Variants in PPP1R13B observed in about 807,000 individuals in gnomAD.
PPP1R13B encodes the protein protein phosphatase 1 regulatory subunit 13B.
PPP1R13B carries 44 observed loss-of-function variants against 119.8 expected under a neutral mutation model. The observed-to-expected ratio is 0.37, with a 90% CI of 0.29 to 0.47. The LOEUF is 0.47. PPP1R13B is among the 20% of genes least tolerant of loss of function. PPP1R13B has a pLI of 0.99. For missense variants in PPP1R13B, 1,227 were observed against 1,413.5 expected (o/e 0.87, Z 2.12); for synonymous variants, 542 against 561.5 (o/e 0.97, Z 0.49).
chr14:103,824,039 C>CTTTTTTTTT (rs35194586), intron 1 of PPP1R13B, among the ~76,000 whole-genome samples: 13 of 75,140 alleles, frequency 1.7e-4, no homozygotes, highest in Non-Finnish European at 2.7e-4. Context: ...CTACCTCATC[C>CTTTTTTTTT]TTTTTTTTTT....
At position 103,778,649 on chromosome 14, in the gene PPP1R13B, T is replaced by TCC. The variant is rs1171122768; in HGVS notation, c.354+94_354+95dup. Reference sequence around the variant, plus strand: ...TCAAACTCCTGCCCTCATGTGATCCTCCCACCTTGGCCTCCCAAAGTGCTG... The same window carrying TCC: ...TCAAACTCCTGCCCTCATGTGATCCTCCCCCACCTTGGCCTCCCAAAGTGCTG... On this transcript the variant is annotated intron_variant, in intron 4 of 16. Coordinates refer to ENST00000202556, the MANE Select transcript of PPP1R13B (RefSeq NM_015316.3). 3.2e-6 allele frequency: 3 copies of TCC among 935,142 alleles called. No individual in the cohort carries two copies. In the African/African-American group the frequency reaches 4.9e-5, roughly 15 times the overall value. The allele number at this position is 935,142 out of a possible 1,614,324, so 57.9% of individuals were successfully genotyped here.
chr14:103,740,397 G>C lies in PPP1R13B; in HGVS notation c.2019C>G (p.Thr673=), dbSNP rs1434724965. ...GCGAATGCACGATGGGCGTGAGCTT[G>C]GTGGGGCTGAGTGGCCGTGGCAGGC... is the stretch of plus-strand genomic sequence containing the variant. The part of the protein sequence containing the change: ...VESLPRPLSP[T]KLTPIVHSPL... Residue 673 remains threonine, a synonymous_variant, in exon 12 of 17, where the codon ACC becomes ACG. Coordinates refer to ENST00000202556, the MANE Select transcript of PPP1R13B (RefSeq NM_015316.3). This position sits in a 1 kb window ranked among gnomAD's most constrained non-coding sequence, Gnocchi z 4.6. 1.1e-5 allele frequency: 18 copies of C among 1,579,374 alleles called. No individual in the cohort carries two copies. In the Admixed American group the frequency reaches 3.2e-4, roughly 28 times the overall value.
rs375377706 is a variant in PPP1R13B, at chr14:103,825,244, G to A, written c.9+22055C>T. On this transcript the variant is annotated intron_variant, in intron 1 of 16. Coordinates refer to ENST00000202556, the MANE Select transcript of PPP1R13B (RefSeq NM_015316.3). ...ATTCCCCCATTTCTCTCCCTTTCTC[G>A]AGCCTCCCTATTCCCTGAGACACAT... Among the ~76,000 whole-genome samples the A allele has an allele frequency of 1.2e-4, 19 of 152,066 alleles. No homozygotes were observed. The East Asian group carries it at 1.9e-3, about 15-fold the overall frequency.
chr14:103,791,714 T>A (rs1375003664), intron 2 of PPP1R13B, among the ~76,000 whole-genome samples: 1 of 152,162 alleles, frequency 6.6e-6, no homozygotes, highest in African/African-American at 2.4e-5. Context: ...AGAGCAAGAC[T>A]CCATCTCAAA....
At chr14:103,778,420 C>G (rs903974276) in intron 4 of PPP1R13B, among the ~76,000 whole-genome samples, 1 of 152,046 alleles carries the variant, frequency 6.6e-6, no homozygotes, top group Non-Finnish European at 1.5e-5. Context: ...TGCCACCATG[C>G]CTGGCTAATT....
chr14:103,830,170 A>G (rs1706612587), intron 1 of PPP1R13B, among the ~76,000 whole-genome samples: 1 of 152,064 alleles, frequency 6.6e-6, no homozygotes, highest in Non-Finnish European at 1.5e-5. Context: ...ATCTCAGCTC[A>G]CTGCAACCTC....
At chr14:103,737,417 G>T in intron 15 of PPP1R13B, 3 of 284,670 alleles carry the variant, frequency 1.1e-5, no homozygotes, top group African/African-American at 2.2e-5. Context: ...AAAAAAAAAA[G>T]TACAAAAAAT....
chr14:103,774,863 T>C (rs996689375), intron 4 of PPP1R13B, among the ~76,000 whole-genome samples: 1 of 152,198 alleles, frequency 6.6e-6, no homozygotes, highest in Non-Finnish European at 1.5e-5. Context: ...AAAAGGTAGA[T>C]GTGTAAGCCA....
chr14:103,765,500 C>T (rs1443329641), intron 4 of PPP1R13B, among the ~76,000 whole-genome samples: 4 of 152,182 alleles, frequency 2.6e-5, no homozygotes, highest in Admixed American at 6.5e-5. Flanking sequence ...GAATGGCTCT[C>T]GCCTTTTTCC....
At position 103,742,573 on chromosome 14, in the gene PPP1R13B, T is replaced by C. The variant is rs577783775; in HGVS notation, c.1320+81A>G. On this transcript the variant is annotated intron_variant, in intron 10 of 16. Coordinates refer to ENST00000202556, the MANE Select transcript of PPP1R13B (RefSeq NM_015316.3). The surrounding 1 kb of genome is among the most constrained non-coding windows in gnomAD (Gnocchi z 4.9). ...GATTAACTTGCCTCCTGACAAGTCA[T>C]ACCCTTTAGCTTAGTACTAAGGCAG... is the stretch of plus-strand genomic sequence containing the variant. The C allele has an allele frequency of 3.3e-6, 5 of 1,510,912 alleles. No homozygotes were observed. The highest frequency in any genetic ancestry group is 2.3e-5 in the East Asian group (1 of 44,070). 93.6% of individuals were successfully genotyped at this position (1,510,912 alleles called of 1,614,324 possible).
intron 9 of PPP1R13B, among the ~76,000 whole-genome samples, chr14:103,745,874 G>A (rs893794261): frequency 7.2e-5 from 11 of 152,232 alleles, no homozygotes; most frequent in African/African-American, 2.6e-4. Context: ...ACAGTGGCAC[G>A]ATCTCACTGC....
chr14:103,785,395 T>C (rs1383745931), intron 2 of PPP1R13B, among the ~76,000 whole-genome samples: 2 of 152,130 alleles, frequency 1.3e-5, no homozygotes, highest in Non-Finnish European at 2.9e-5. Context: ...ATTTTTTGTA[T>C]TTAGTAGAGA....
At chr14:103,735,874 C>G (rs2084095375) in intron 16 of PPP1R13B, 129 bp downstream of exon 16, 2 of 1,038,574 alleles carry the variant, frequency 1.9e-6, no homozygotes, top group Non-Finnish European at 2.8e-6. Flanking sequence ...GGCACCTCCC[C>G]CTCTACAGAG....
At chr14:103,750,735 G>A (rs1264695490) in intron 7 of PPP1R13B, among the ~76,000 whole-genome samples, 5 of 152,018 alleles carry the variant, frequency 3.3e-5, no homozygotes, top group African/African-American at 1.2e-4. Context: ...GGAGGCTGAG[G>A]CAGGAGAATT....
At chr14:103,778,200 C>T (rs557423703) in intron 4 of PPP1R13B, among the ~76,000 whole-genome samples, 33 of 143,194 alleles carry the variant, frequency 2.3e-4, no homozygotes, top group African/African-American at 7.6e-4. Flanking sequence ...GGGATCTGCC[C>T]GCCTCGGCCT....
At chr14:103,749,423 G>A (rs1410730050) in intron 8 of PPP1R13B, among the ~76,000 whole-genome samples, 4 of 152,178 alleles carry the variant, frequency 2.6e-5, no homozygotes, top group African/African-American at 9.7e-5. Flanking sequence ...AAGAACATGA[G>A]GCTACGCAAG....
At chr14:103,832,696 T>C (rs1347066838) in intron 1 of PPP1R13B, among the ~76,000 whole-genome samples, 1 of 152,126 alleles carries the variant, frequency 6.6e-6, no homozygotes, top group Non-Finnish European at 1.5e-5. Flanking sequence ...TGGTGGCCCA[T>C]GCCTATAATC....
intron 4 of PPP1R13B, among the ~76,000 whole-genome samples, chr14:103,773,863 G>A (rs2085123985): frequency 6.6e-6 from 1 of 152,182 alleles, no homozygotes. Context: ...AAGTCTAAAA[G>A]TTTTTCTCTA....
intron 4 of PPP1R13B, among the ~76,000 whole-genome samples, chr14:103,771,475 CTTTT>C (rs57795299): frequency 3.8e-4 from 37 of 96,968 alleles, no homozygotes; most frequent in African/African-American, 1.4e-3. Context: ...ACTAACACTT[CTTTT>C]TTTTTTTTTT....
Sources: allele counts gnomAD v4.1 joint callset (sites outside exome capture counted in the v4.1 genomes callset), GRCh38; gene constraint gnomAD v4.1.1; non-coding constraint Gnocchi (gnomAD v3.1); transcripts MANE v1.5; gene names NCBI Gene and HGNC (gene_info 2026-07-23, HGNC 2026-07-21).